The following EPYC variants were observed in gnomAD, a reference collection of about 807,000 sequenced individuals.
EPYC encodes the protein epiphycan.
A neutral mutation model predicts 30.1 loss-of-function variants in EPYC; 28 were observed. The observed-to-expected ratio is 0.93, with a 90% CI of 0.69 to 1.28. The LOEUF (loss-of-function observed/expected upper bound fraction) is 1.28. Ranked by LOEUF, EPYC falls within the 50% of genes most tolerant of loss-of-function variation. The pLI is 0.00. For missense variants in EPYC, 382 were observed against 383.5 expected, an observed-to-expected ratio of 1.00 and a Z score of 0.03; for synonymous variants, 144 against 141.4, an observed-to-expected ratio of 1.02 and a Z score of -0.13.
chr12:90,968,780 G>T lies in EPYC; in HGVS notation c.798+1264C>A, dbSNP rs1230548113. On this transcript the variant is annotated intron_variant, in intron 6 of 6. Transcript: ENST00000261172. ...TAGTAATAAAATTTAATTCATAATT[G>T]GAAAACACATTCTAAAATCTCTAAG... is the stretch of plus-strand genomic sequence containing the variant. 5.9e-5 allele frequency among the ~76,000 whole-genome samples: 9 copies of T among 151,818 alleles called. No individual in the cohort carries two copies. In the East Asian group the frequency reaches 1.5e-3, roughly 26 times the overall value.
At position 90,971,993 on chromosome 12, in the gene EPYC, T is replaced by C. The variant is rs763812380; in HGVS notation, c.509A>G (p.Lys170Arg). The C allele has an allele frequency of 3.8e-6, 6 of 1,563,168 alleles. No homozygotes were observed. Among genetic ancestry groups the C allele is most frequent in the South Asian group, 1.2e-5 (1 of 83,752 alleles). Residue 170 changes from lysine (K) to arginine (R), a missense_variant, in exon 5 of 7, where the codon AAA (lysine) becomes AGA (arginine). By Grantham distance (26) the Lys-to-Arg change is conservative (BLOSUM62 2). Coordinates refer to ENST00000261172, the MANE Select transcript of EPYC (RefSeq NM_004950.5). ...TAAATTTGATGTCAGATCAATCCTT[T>C]TTAAATCACCTAGCAGAAAAAAATA... Reference protein sequence around the residue: ...KNDFASLSDLKRIDLTSNLIS... With the variant: ...KNDFASLSDLRRIDLTSNLIS...
chr12:90,984,814 G>A (rs371458487), intron 2 of EPYC, among the ~76,000 whole-genome samples: 14 of 151,950 alleles, frequency 9.2e-5, no homozygotes, highest in Non-Finnish European at 1.2e-4. Context: ...AAAAACCCCC[G>A]GGCTATCGGT....
intron 3 of EPYC, among the ~76,000 whole-genome samples, chr12:90,975,677 A>G (rs1003376968): frequency 2.6e-5 from 4 of 152,104 alleles, no homozygotes; most frequent in African/African-American, 9.6e-5. Flanking sequence ...GAGATCCAAC[A>G]TACAGGTACT....
chr12:90,981,972 C>A (rs1877335273), intron 2 of EPYC, among the ~76,000 whole-genome samples: 1 of 151,926 alleles, frequency 6.6e-6, no homozygotes, highest in South Asian at 2.1e-4. Context: ...CGATTCCTAC[C>A]TTTATGAATG....
Position 91,000,075 on chromosome 12 carries a change from C to T in EPYC, c.165+2326G>A, listed in dbSNP as rs570673398. On this transcript the variant is annotated intron_variant, in intron 2 of 6. Transcript: ENST00000261172. Reference sequence around the variant, plus strand: ...ATGCCTATTTATATCTGTATCTATACCGTCTACCTACAAACTGGTTTTTCT... The same window carrying T: ...ATGCCTATTTATATCTGTATCTATATCGTCTACCTACAAACTGGTTTTTCT... Among the ~76,000 whole-genome samples, 9 of 152,080 alleles carry T rather than the reference C, an allele frequency of 5.9e-5. No individual in the cohort carries two copies. In the South Asian group the frequency reaches 1.9e-3, roughly 32 times the overall value.
chr12:90,988,462 C>A (rs1377686787), intron 2 of EPYC, among the ~76,000 whole-genome samples: 1 of 151,976 alleles, frequency 6.6e-6, no homozygotes, highest in African/African-American at 2.4e-5. Context: ...ACCATTCAGT[C>A]CAGTAAAGAG....
chr12:90,971,940 G>A lies in EPYC; in HGVS notation c.562C>T (p.Arg188Ter), dbSNP rs143768297. Residue 188 changes from arginine (R) to a stop codon, truncating the protein, a stop_gained, in exon 5 of 7, where the codon CGA (arginine) becomes TGA (stop). Transcript: ENST00000261172. LOFTEE classifies it high-confidence loss of function. ...LISEIDEDAF[R>*]KLPQLRELVL... ...AGCTCTCGAAGTTGAGGCAGTTTTC[G>A]GAATGCATCTTCATCAATCTCAGAT... 4.5e-4 allele frequency: 724 copies of A among 1,609,660 alleles called. 12 individuals are homozygous for A. In the South Asian group the frequency reaches 7.6e-3, roughly 17 times the overall value.
intron 3 of EPYC, among the ~76,000 whole-genome samples, chr12:90,977,139 G>C (rs1877206148): frequency 6.6e-6 from 1 of 151,892 alleles, no homozygotes; most frequent in African/African-American, 2.4e-5. Flanking sequence ...ACTAAGTTTT[G>C]TGTCTACAGA....
chr12:91,002,200 A>AAAAAAG (rs1426730251), intron 2 of EPYC, among the ~76,000 whole-genome samples: 1 of 151,216 alleles, frequency 6.6e-6, no homozygotes, highest in Non-Finnish European at 1.5e-5. Context: ...AAAAAAAAAA[A>AAAAAAG]AAAAAAAAAA....
chr12:90,981,392 G>A (rs1424933610), intron 2 of EPYC, among the ~76,000 whole-genome samples: 1 of 152,044 alleles, frequency 6.6e-6, no homozygotes, highest in East Asian at 1.9e-4. Context: ...TACATTTATT[G>A]TATCAGATTG....
chr12:90,994,577 C>T (rs553717524), intron 2 of EPYC, among the ~76,000 whole-genome samples: 31 of 152,126 alleles, frequency 2.0e-4, no homozygotes, highest in African/African-American at 7.5e-4. Flanking sequence ...ATGAGCAACA[C>T]CCAAAGCCAA....
At chr12:90,996,124 TA>T (rs1877688473) in intron 2 of EPYC, among the ~76,000 whole-genome samples, 1 of 151,912 alleles carries the variant, frequency 6.6e-6, no homozygotes, top group Non-Finnish European at 1.5e-5. Context: ...ATAGTATAAA[TA>T]TTACTAATAT....
chr12:90,994,846 G>T (rs1019647357), intron 2 of EPYC, among the ~76,000 whole-genome samples: 2 of 152,056 alleles, frequency 1.3e-5, no homozygotes, highest in African/African-American at 4.8e-5. Context: ...CTCAAGCACA[G>T]AATTAAGGTT....
chr12:90,978,670 C>A (rs1185426564), intron 2 of EPYC, among the ~76,000 whole-genome samples: 1 of 152,094 alleles, frequency 6.6e-6, no homozygotes, highest in Non-Finnish European at 1.5e-5. Flanking sequence ...CCTTTACCAT[C>A]CAGCTCTCAT....
chr12:90,981,540 A>G (rs1267207039), intron 2 of EPYC, among the ~76,000 whole-genome samples: 1 of 152,176 alleles, frequency 6.6e-6, no homozygotes, highest in Non-Finnish European at 1.5e-5. Flanking sequence ...ATTTTAAGTG[A>G]CAATAAGATT....
chr12:90,967,860 A>G (rs935911393), intron 6 of EPYC, among the ~76,000 whole-genome samples: 6 of 152,018 alleles, frequency 3.9e-5, no homozygotes, highest in Non-Finnish European at 7.4e-5. Context: ...AGTTCTAGCT[A>G]CTTGGGAGAC....
At chr12:90,978,672 A>C (rs1442930501) in intron 2 of EPYC, among the ~76,000 whole-genome samples, 2 of 152,112 alleles carry the variant, frequency 1.3e-5, no homozygotes, top group East Asian at 3.9e-4. Flanking sequence ...TTTACCATCC[A>C]GCTCTCATTC....
At chr12:90,984,700 A>C (rs1321621496) in intron 2 of EPYC, among the ~76,000 whole-genome samples, 3 of 152,074 alleles carry the variant, frequency 2.0e-5, no homozygotes, top group African/African-American at 7.2e-5. Flanking sequence ...CTCTCAGCTT[A>C]CCTCCGTATC....
At chr12:90,977,885 T>C (rs1877224345) in intron 3 of EPYC, among the ~76,000 whole-genome samples, 1 of 152,144 alleles carries the variant, frequency 6.6e-6, no homozygotes, top group Non-Finnish European at 1.5e-5. Context: ...GGTTATTTGA[T>C]CATTTTTATG....
Sources: allele counts gnomAD v4.1 joint callset (sites outside exome capture counted in the v4.1 genomes callset), GRCh38; gene constraint gnomAD v4.1.1; transcripts MANE v1.5; gene names NCBI Gene and HGNC (gene_info 2026-07-23, HGNC 2026-07-21).